LRFN5: variants seen among roughly 807,000 people sequenced by gnomAD.
LRFN5 encodes leucine rich repeat and fibronectin type III domain containing 5, also known as leucine-rich repeat and fibronectin type-III domain-containing protein 5.
LRFN5 carries 24 observed loss-of-function variants against 45.6 expected under a neutral mutation model. The ratio of observed to expected loss-of-function variants is 0.53; its 90% confidence interval spans 0.38 to 0.74. LRFN5 has a LOEUF of 0.74. Among genes scored for constraint, LRFN5 ranks in the 30% least tolerant of loss-of-function variants. The probability of loss-of-function intolerance (pLI) is 0.00; values close to 1 mark genes in which losing one functional copy is unlikely to be tolerated. For missense variants in LRFN5, 776 were observed against 861.5 expected (o/e 0.90, Z 1.24); for synonymous variants, 340 against 313.8 (o/e 1.08, Z -0.88).
At chr14:41,671,864 C>T (rs1275221600) in intron 1 of LRFN5, among the ~76,000 whole-genome samples, 4 of 152,022 alleles carry the variant, frequency 2.6e-5, no homozygotes, top group Non-Finnish European at 5.9e-5. Context: ...GTTATCCGCC[C>T]GCCTTGGCCT....
chr14:41,668,777 G>T (rs1881027572), intron 1 of LRFN5, among the ~76,000 whole-genome samples: 1 of 152,098 alleles, frequency 6.6e-6, no homozygotes, highest in Non-Finnish European at 1.5e-5. Flanking sequence ...CAGTTACCAA[G>T]CAGCATTTTT....
chr14:41,724,347 G>A (rs949955640), intron 1 of LRFN5, among the ~76,000 whole-genome samples: 1 of 152,134 alleles, frequency 6.6e-6, no homozygotes, highest in Non-Finnish European at 1.5e-5. Flanking sequence ...CAGTTAGCGT[G>A]ACTGAAAGAA....
chr14:41,888,878 C>A (rs17781492), intron 3 of LRFN5, among the ~76,000 whole-genome samples: 1 of 151,230 alleles, frequency 6.6e-6, no homozygotes, highest in African/African-American at 2.4e-5. Context: ...ATATTTTTAC[C>A]CTTTCATATA....
At chr14:41,786,421 G>A (rs1349260347) in intron 2 of LRFN5, among the ~76,000 whole-genome samples, 1 of 151,352 alleles carries the variant, frequency 6.6e-6, no homozygotes. Context: ...CTTTAAAGAT[G>A]TCTTTCAACT....
chr14:41,725,083 G>C (rs1277737432), intron 1 of LRFN5, among the ~76,000 whole-genome samples: 1 of 152,092 alleles, frequency 6.6e-6, no homozygotes, highest in African/African-American at 2.4e-5. Flanking sequence ...TTAGTAAATA[G>C]GAGCCTAGTA....
chr14:41,767,522 G>A (rs984169786), intron 2 of LRFN5, among the ~76,000 whole-genome samples: 3 of 152,232 alleles, frequency 2.0e-5, no homozygotes, highest in Admixed American at 6.5e-5. Flanking sequence ...GCTAGAAAGA[G>A]CACTTTTCCT....
At chr14:41,796,637 G>T (rs6572115) in intron 2 of LRFN5, among the ~76,000 whole-genome samples, 4,563 of 151,778 alleles carry the variant, frequency 0.03, 242 homozygotes, top group African/African-American at 0.11. Flanking sequence ...ATTAATTAGG[G>T]TCACTTTATT....
intron 2 of LRFN5, among the ~76,000 whole-genome samples, chr14:41,845,366 T>C (rs1361854401): frequency 1.3e-5 from 2 of 152,090 alleles, no homozygotes; most frequent in Non-Finnish European, 2.9e-5. Flanking sequence ...GTTATTCATA[T>C]ATAGTTATAC....
intron 1 of LRFN5, among the ~76,000 whole-genome samples, chr14:41,682,151 C>T (rs1881926844): frequency 1.3e-5 from 2 of 151,802 alleles, no homozygotes; most frequent in Non-Finnish European, 2.9e-5. Flanking sequence ...AAAGACTAAC[C>T]AATGAACCAA....
intron 2 of LRFN5, among the ~76,000 whole-genome samples, chr14:41,837,819 C>T (rs538520324): frequency 3.9e-5 from 6 of 152,250 alleles, no homozygotes; most frequent in Non-Finnish European, 7.3e-5. Flanking sequence ...TATTCAGCTT[C>T]GAAGCTTGTA....
At chr14:41,653,638 T>C (rs758751291) in intron 1 of LRFN5, among the ~76,000 whole-genome samples, 3 of 152,096 alleles carry the variant, frequency 2.0e-5, no homozygotes, top group Non-Finnish European at 4.4e-5. Context: ...TTAAGTAAAA[T>C]TTTGTCGCAT....
chr14:41,841,028 A>T (rs892383290), intron 2 of LRFN5, among the ~76,000 whole-genome samples: 6 of 151,876 alleles, frequency 4.0e-5, no homozygotes, highest in Admixed American at 3.3e-4. Context: ...TCTGTGTGTA[A>T]TCCAAACCCA....
At chr14:41,728,153 C>A (rs967036971) in intron 1 of LRFN5, among the ~76,000 whole-genome samples, 1 of 152,162 alleles carries the variant, frequency 6.6e-6, no homozygotes, top group South Asian at 2.1e-4. Context: ...TTTGAGCAAT[C>A]TTCCATTAGT....
intron 1 of LRFN5, among the ~76,000 whole-genome samples, chr14:41,729,490 C>T (rs1267194948): frequency 6.6e-6 from 1 of 152,048 alleles, no homozygotes; most frequent in African/African-American, 2.4e-5. Context: ...TATAAATTTA[C>T]CAGTCTCAGG....
Position 41,856,675 on chromosome 14 carries a change from A to ATTATTATTTTTTT in LRFN5, c.-20-29929_-20-29928insATTATTTTTTTTT. On this transcript the variant is annotated intron_variant, in intron 2 of 5. Coordinates refer to ENST00000298119, the MANE Select transcript of LRFN5 (RefSeq NM_152447.5). ...TTCTTTCCTAATTATTATTATTATT[A>ATTATTATTTTTTT]TTTTTTTTTTTTTTTTTTTGAGACG... 3.4e-3 allele frequency among the ~76,000 whole-genome samples: 62 copies of ATTATTATTTTTTT among 18,308 alleles called. 1 individual carries two copies. Among genetic ancestry groups the ATTATTATTTTTTT allele is most frequent in the Non-Finnish European group, 6.0e-3 (47 of 7,794 alleles). The allele number at this position is 18,308 out of a possible 152,430, so 12.0% of individuals were successfully genotyped here.
At chr14:41,825,764 C>A (rs893141141) in intron 2 of LRFN5, among the ~76,000 whole-genome samples, 1 of 152,068 alleles carries the variant, frequency 6.6e-6, no homozygotes, top group Admixed American at 6.6e-5. Context: ...GGTGAGTTAC[C>A]CTTTGCCAGC....
intron 1 of LRFN5, among the ~76,000 whole-genome samples, chr14:41,759,184 C>G (rs1385283981): frequency 6.6e-6 from 1 of 152,052 alleles, no homozygotes; most frequent in Admixed American, 6.5e-5. Flanking sequence ...TCCTCCTTCC[C>G]AAAAAGGTGC....
At chr14:41,776,317 G>A in intron 2 of LRFN5, among the ~76,000 whole-genome samples, 1 of 152,126 alleles carries the variant, frequency 6.6e-6, no homozygotes, top group East Asian at 1.9e-4. Flanking sequence ...GATAGATAAG[G>A]AAGGTATTGA....
chr14:41,784,791 G>C (rs1409576693), intron 2 of LRFN5, among the ~76,000 whole-genome samples: 1 of 151,980 alleles, frequency 6.6e-6, no homozygotes, highest in Non-Finnish European at 1.5e-5. Context: ...ACTATACCCG[G>C]CTAATTTTTG....
Sources: gnomAD v4.1 joint callset for allele counts (sites outside exome capture counted in the v4.1 genomes callset) on GRCh38, gnomAD v4.1.1 for gene constraint, MANE v1.5 for transcripts, NCBI Gene and HGNC (gene_info 2026-07-23, HGNC 2026-07-21) for gene names.